The following THRSP variants were observed in gnomAD, a reference collection of about 807,000 sequenced individuals.
The protein encoded by THRSP is thyroid hormone-inducible hepatic protein.
Under a neutral mutation model 11.1 loss-of-function variants are expected in THRSP, and 9 were observed. That is an observed-to-expected ratio of 0.81 (90% CI 0.49 to 1.42). The LOEUF is 1.42. Ranked by LOEUF, THRSP falls within the 40% of genes most tolerant of loss-of-function variation. The pLI is 0.00. For missense variants in THRSP, 177 were observed against 188.2 expected (o/e 0.94, Z 0.35); for synonymous variants, 73 against 78.1 (o/e 0.94, Z 0.34).
chr11:78,066,920 G>A (rs1038627062), intron 1 of THRSP, among the ~76,000 whole-genome samples: 7 of 150,516 alleles, frequency 4.7e-5, no homozygotes, highest in African/African-American at 1.5e-4. Flanking sequence ...TCCACCTCCC[G>A]ATTCAAGCAA....
At position 78,063,866 on chromosome 11, in the gene THRSP, G is replaced by A. The variant is rs746360272; in HGVS notation, c.-16G>A. Reference sequence around the variant, plus strand: ...GGGGGCAGTCTGCTGGTCTCATTGTGTCAGAGGAAGCAACCATGCAGGTGC... The same window carrying A: ...GGGGGCAGTCTGCTGGTCTCATTGTATCAGAGGAAGCAACCATGCAGGTGC... On this transcript the variant is annotated 5_prime_UTR_variant, in exon 1 of 2. Coordinates refer to ENST00000281030, the MANE Select transcript of THRSP (RefSeq NM_003251.4). 3.2e-6 allele frequency: 5 copies of A among 1,543,556 alleles called. No individual in the cohort carries two copies. Among genetic ancestry groups the A allele is most frequent in the Non-Finnish European group, 4.4e-6 (5 of 1,146,872 alleles).
chr11:78,068,152 G>A lies in THRSP; in HGVS notation c.*513G>A, dbSNP rs1315213632. On this transcript the variant is annotated 3_prime_UTR_variant, in exon 2 of 2. Transcript: ENST00000281030. ...TTGGCATGTGAGGGCTATTAAAATA[G>A]CCTGATTTTTTTTTTCTCCCCCTCT... 6.6e-6 allele frequency: 1 copy of A among 151,834 alleles called. No homozygotes were observed. Among genetic ancestry groups the A allele is most frequent in the African/African-American group, 2.4e-5 (1 of 41,212 alleles). The allele number at this position is 151,834 out of a possible 1,614,324, so 9.4% of individuals were successfully genotyped here.
chr11:78,063,876 G>T lies in THRSP; in HGVS notation c.-6G>T. 1 of 1,547,028 alleles carries T rather than the reference G, an allele frequency of 6.5e-7. No individual in the cohort carries two copies. The highest frequency in any genetic ancestry group is 8.7e-7 in the Non-Finnish European group (1 of 1,148,258). On this transcript the variant is annotated 5_prime_UTR_variant, in exon 1 of 2. Coordinates refer to ENST00000281030, the MANE Select transcript of THRSP (RefSeq NM_003251.4). ...TGCTGGTCTCATTGTGTCAGAGGAA[G>T]CAACCATGCAGGTGCTAACCAAGCG...
chr11:78,065,760 A>G (rs767343754), intron 1 of THRSP, among the ~76,000 whole-genome samples: 7 of 152,172 alleles, frequency 4.6e-5, no homozygotes, highest in Non-Finnish European at 1.0e-4. Context: ...ATTTTGTGTT[A>G]TCTTCATAAT....
intron 1 of THRSP, among the ~76,000 whole-genome samples, chr11:78,065,876 T>A (rs1858723440): frequency 6.6e-6 from 1 of 152,182 alleles, no homozygotes; most frequent in African/African-American, 2.4e-5. Flanking sequence ...TTTTTCCTTC[T>A]CCCGCTTCAA....
Position 78,067,754 on chromosome 11 carries a change from G to A in THRSP, c.*115G>A, listed in dbSNP as rs1858807225. On this transcript the variant is annotated 3_prime_UTR_variant, in exon 2 of 2. Transcript: ENST00000281030. ...GCAGAAAGGCCTAGACCTGCAGCCA[G>A]AAGTGAAGGCGGCTCAGTTCTCCGG... 1 of 152,284 alleles carries A rather than the reference G, an allele frequency of 6.6e-6. No individual in the cohort carries two copies. Among genetic ancestry groups the A allele is most frequent in the Admixed American group, 6.5e-5 (1 of 15,278 alleles). 9.4% of individuals were successfully genotyped at this position (152,284 alleles called of 1,614,324 possible). A position where few individuals can be genotyped will look rare whatever the true frequency, so the allele number is the denominator to read the frequency against.
At chr11:78,065,433 A>G (rs1477667933) in intron 1 of THRSP, among the ~76,000 whole-genome samples, 1 of 152,170 alleles carries the variant, frequency 6.6e-6, no homozygotes, top group African/African-American at 2.4e-5. Flanking sequence ...CATGGTCACC[A>G]CTAGTTCACT....
At chr11:78,066,172 A>C (rs551320854) in intron 1 of THRSP, among the ~76,000 whole-genome samples, 13 of 151,712 alleles carry the variant, frequency 8.6e-5, no homozygotes, top group Middle Eastern at 6.8e-3. Context: ...ATCCCCCCCC[A>C]CCTTTTTAAA....
rs575528109 is a variant in THRSP at position 78,066,773 on chromosome 11, AAC to A, written c.*20-884_*20-883del. Among the ~76,000 whole-genome samples the A allele has an allele frequency of 3.3e-5, 5 of 152,260 alleles. No homozygotes were observed. The South Asian group carries it at 1.0e-3, about 32-fold the overall frequency. ...TCATTCAGAGGCAATATGGTATAGC[AAC>A]AGTTAAAAATCTGGGCTCTTGTTCT... On this transcript the variant is annotated intron_variant, in intron 1 of 1. Coordinates refer to ENST00000281030, the MANE Select transcript of THRSP (RefSeq NM_003251.4).
At chr11:78,065,769 A>G (rs542542005) in intron 1 of THRSP, among the ~76,000 whole-genome samples, 3 of 152,274 alleles carry the variant, frequency 2.0e-5, no homozygotes, top group Admixed American at 2.0e-4. Context: ...TATCTTCATA[A>G]TCTGTGTGAA....
At position 78,064,046 on chromosome 11, in the gene THRSP, T is replaced by C. The variant is rs1258809023; in HGVS notation, c.165T>C (p.Asp55=). Residue 55 remains aspartate, a synonymous_variant, in exon 1 of 2, where the codon GAT becomes GAC. Transcript: ENST00000281030. ...GCCAGGCCCAGGCTGAGGCCCCTGA[T>C]CTCTACACCTACTTCACCATGCTCA... ...PGGQAQAEAP[D]LYTYFTMLKA... is the part of the protein sequence containing the mutation. 6 of 1,612,458 alleles carry C rather than the reference T, an allele frequency of 3.7e-6. No homozygotes were observed. Among genetic ancestry groups the C allele is most frequent in the Non-Finnish European group, 4.2e-6 (5 of 1,179,504 alleles).
chr11:78,067,414 G>C (rs143980679), intron 1 of THRSP, among the ~76,000 whole-genome samples: 1 of 152,284 alleles, frequency 6.6e-6, no homozygotes, highest in South Asian at 2.1e-4. Flanking sequence ...GAGCCACCAC[G>C]CCCGGCCCTA....
intron 1 of THRSP, among the ~76,000 whole-genome samples, chr11:78,065,716 C>T (rs924758403): frequency 6.6e-5 from 10 of 152,210 alleles, no homozygotes; most frequent in Non-Finnish European, 1.2e-4. Context: ...CAACTTTGAG[C>T]TGAGTGTTCT....
rs546481532 is a variant in THRSP, at chr11:78,064,265, C to T, written c.384C>T (p.Thr128=). The T allele has an allele frequency of 1.5e-5, 24 of 1,613,844 alleles. No individual in the cohort carries two copies. Among genetic ancestry groups the T allele is most frequent in the African/African-American group, 6.7e-5 (5 of 74,996 alleles). The change falls in exon 1 of 2, where the codon ACC becomes ACT. Residue 128 remains threonine, a synonymous_variant. Transcript: ENST00000281030. ...SSLHHILMHL[T]EKAQEVTRKY... ...TCCATCACATCCTCATGCACCTCAC[C>T]GAGAAAGCCCAGGAGGTGACAAGGA...
At chr11:78,066,485 G>A (rs1279704663) in intron 1 of THRSP, among the ~76,000 whole-genome samples, 1 of 152,178 alleles carries the variant, frequency 6.6e-6, no homozygotes, top group Non-Finnish European at 1.5e-5. Context: ...TTTTGCAGAT[G>A]AGAAAACTGG....
intron 1 of THRSP, among the ~76,000 whole-genome samples, chr11:78,067,182 C>T (rs1047226716): frequency 7.1e-6 from 1 of 140,878 alleles, no homozygotes; most frequent in African/African-American, 2.7e-5. Flanking sequence ...AGTGCAGTGG[C>T]GCCACCTTGG....
chr11:78,064,578 C>T (rs1268971837), intron 1 of THRSP, among the ~76,000 whole-genome samples: 1 of 152,146 alleles, frequency 6.6e-6, no homozygotes, highest in Non-Finnish European at 1.5e-5. Context: ...GGAAAAGTGG[C>T]CTGTGAGGGC....
chr11:78,066,974 C>T (rs622074), intron 1 of THRSP, among the ~76,000 whole-genome samples: 21,091 of 151,734 alleles, frequency 0.14, 1,872 homozygotes, highest in East Asian at 0.27. Context: ...TACAGGTGCA[C>T]GCCACTACAC....
In THRSP at chr11:78,063,968, G is replaced by A. The variant is rs1484632973; in HGVS notation, c.87G>A (p.Gln29=). Residue 29 remains glutamine, a synonymous_variant, in exon 1 of 2, where the codon CAG becomes CAA. Coordinates refer to ENST00000281030, the MANE Select transcript of THRSP (RefSeq NM_003251.4). ...RYAAEVHNME[Q]VVMIPSLLRD... Reference sequence around the variant, plus strand: ...CAGCCGAGGTGCACAACATGGAGCAGGTGGTGATGATCCCCAGCCTTCTGC... The same window carrying A: ...CAGCCGAGGTGCACAACATGGAGCAAGTGGTGATGATCCCCAGCCTTCTGC... 2 of 1,613,984 alleles carry A rather than the reference G, an allele frequency of 1.2e-6. No homozygotes were observed. Among genetic ancestry groups the A allele is most frequent in the African/African-American group, 1.3e-5 (1 of 74,948 alleles).
Sources: gnomAD v4.1 joint callset for allele counts (sites outside exome capture counted in the v4.1 genomes callset) on GRCh38, gnomAD v4.1.1 for gene constraint, MANE v1.5 for transcripts, NCBI Gene and HGNC (gene_info 2026-07-23, HGNC 2026-07-21) for gene names.